The following TRARG1 variants were observed in gnomAD, a reference collection of about 807,000 sequenced individuals.
TRARG1 encodes trafficking regulator of GLUT4 1.
A neutral mutation model predicts 13.3 loss-of-function variants in TRARG1; 16 were observed. The ratio of observed to expected loss-of-function variants is 1.20; its 90% CI spans 0.81 to 1.83. TRARG1 has a LOEUF of 1.83. Among genes scored for constraint, TRARG1 ranks in the 40% most tolerant of loss-of-function variants. The pLI is 0.00. For synonymous variants in TRARG1, 113 were observed against 106.2 expected (o/e 1.06, Z -0.39); for missense variants, 250 against 237.4 (o/e 1.05, Z -0.35).
chr17:1,283,697 T>C (rs913618802), intron 1 of TRARG1, among the ~76,000 whole-genome samples: 7 of 151,920 alleles, frequency 4.6e-5, no homozygotes, highest in Non-Finnish European at 1.0e-4. Context: ...CAATCCCAGC[T>C]ACTCGGGAGG....
chr17:1,299,409 G>A lies in TRARG1; in HGVS notation c.*1145G>A, dbSNP rs2072138618. ...GTTGTTTGACCGTCCTGAGACCGAG[G>A]GAAGGGCTCAGCTGAAGGACCCCGT... On this transcript the variant is annotated 3_prime_UTR_variant, in exon 3 of 3. Transcript: ENST00000333813. The A allele has an allele frequency of 6.6e-6, 1 of 152,282 alleles. No individual in the cohort carries two copies. Among genetic ancestry groups the A allele is most frequent in the South Asian group, 2.1e-4 (1 of 4,830 alleles). 9.4% of individuals were successfully genotyped at this position (152,282 alleles called of 1,614,324 possible). A position where few individuals can be genotyped will look rare whatever the true frequency, so the allele number is the denominator to read the frequency against.
chr17:1,294,581 A>C (rs9907906), intron 1 of TRARG1, among the ~76,000 whole-genome samples: 2 of 148,900 alleles, frequency 1.3e-5, no homozygotes, highest in African/African-American at 5.0e-5. Flanking sequence ...ATTCTCCTGC[A>C]TCAGCCTCCT....
intron 2 of TRARG1, 117 bp from the exon 3 acceptor site, chr17:1,298,134 C>G: frequency 7.9e-7 from 1 of 1,265,508 alleles, no homozygotes; most frequent in South Asian, 1.3e-5. Context: ...TAGCCTTCTC[C>G]CCTTATCCCT....
intron 1 of TRARG1, among the ~76,000 whole-genome samples, chr17:1,294,296 A>C (rs748391842): frequency 9.9e-5 from 15 of 152,018 alleles, no homozygotes; most frequent in African/African-American, 1.9e-4. Flanking sequence ...AACAGAGCTC[A>C]CCGAGGAGTG....
In TRARG1 at chr17:1,283,340, G is replaced by A. The variant is rs560082943; in HGVS notation, c.387+2952G>A. Among the ~76,000 whole-genome samples, 12 of 152,268 alleles carry A rather than the reference G, an allele frequency of 7.9e-5. No individual in the cohort carries two copies. In the East Asian group the frequency reaches 1.2e-3, roughly 15 times the overall value. ...GGGGCTCTTACAGGATAATGGGTAC[G>A]TAAGTGGCAGCGGGGAGCCTCCCGG... On this transcript the variant is annotated intron_variant, in intron 1 of 2. Coordinates refer to ENST00000333813, the MANE Select transcript of TRARG1 (RefSeq NM_172367.3).
rs182040991 is a variant in TRARG1 at position 1,298,639 on chromosome 17, G to A, written c.*375G>A. ...CCCCACAAACGAGACACACGCTGGC[G>A]GGGAGAGACGCAGCAGAGCTCCTTC... On this transcript the variant is annotated 3_prime_UTR_variant, in exon 3 of 3. Transcript: ENST00000333813. The A allele has an allele frequency of 7.4e-4, 190 of 257,190 alleles. 6 individuals are homozygous for A. In the East Asian group the frequency reaches 0.013, roughly 18 times the overall value. 15.9% of individuals were successfully genotyped at this position (257,190 alleles called of 1,614,324 possible).
intron 1 of TRARG1, among the ~76,000 whole-genome samples, chr17:1,281,521 C>G (rs896653280): frequency 3.9e-5 from 6 of 152,176 alleles, no homozygotes; most frequent in African/African-American, 1.4e-4. Context: ...CCCCATCCCA[C>G]CAAAGCCAGT....
intron 1 of TRARG1, among the ~76,000 whole-genome samples, chr17:1,282,265 C>CGTATATGTACATATGCGT (rs2071986032): frequency 3.7e-5 from 2 of 54,020 alleles, no homozygotes; most frequent in Admixed American, 3.9e-4. Context: ...CGTATATGTA[C>CGTATATGTACATATGCGT]ATATATGCAC....
At chr17:1,282,075 T>TACACATATAC (rs1305006950) in intron 1 of TRARG1, among the ~76,000 whole-genome samples, 1 of 140,502 alleles carries the variant, frequency 7.1e-6, no homozygotes, top group Non-Finnish European at 1.5e-5. Context: ...TACACATATA[T>TACACATATAC]ACATATATGT....
At chr17:1,284,348 G>A (rs1339630416) in intron 1 of TRARG1, among the ~76,000 whole-genome samples, 1 of 152,226 alleles carries the variant, frequency 6.6e-6, no homozygotes, top group African/African-American at 2.4e-5. Flanking sequence ...CCCTGCCGCA[G>A]TGCCGTAGCA....
At chr17:1,293,872 T>C (rs137968468) in intron 1 of TRARG1, among the ~76,000 whole-genome samples, 1 of 152,170 alleles carries the variant, frequency 6.6e-6, no homozygotes, top group African/African-American at 2.4e-5. Context: ...GGCACAGCTC[T>C]GACACTCAGT....
At chr17:1,294,213 A>G (rs2072094383) in intron 1 of TRARG1, among the ~76,000 whole-genome samples, 1 of 151,996 alleles carries the variant, frequency 6.6e-6, no homozygotes, top group Admixed American at 6.6e-5. Context: ...CTACCAAGTC[A>G]TCCCGGGACC....
At position 1,282,293 on chromosome 17, in the gene TRARG1, T is replaced by C. The variant is rs142685745; in HGVS notation, c.387+1905T>C. On this transcript the variant is annotated intron_variant, in intron 1 of 2. Transcript: ENST00000333813. Reference sequence around the variant, plus strand: ...ATATGCACGTATATGTACATATATGTACGTATATGTACATATGCGTATATA... The same window carrying C: ...ATATGCACGTATATGTACATATATGCACGTATATGTACATATGCGTATATA... Among the ~76,000 whole-genome samples, 529 of 147,076 alleles carry C rather than the reference T, an allele frequency of 3.6e-3. 7 individuals carry two copies. The highest frequency in any genetic ancestry group is 0.014 in the Admixed American group (205 of 14,912).
In TRARG1 at chr17:1,297,895, G is replaced by A. The variant is rs114584313; in HGVS notation, c.521-356G>A. Among the ~76,000 whole-genome samples the A allele has an allele frequency of 7.6e-3, 1,162 of 152,268 alleles. 18 individuals carry two copies. The highest frequency in any genetic ancestry group is 0.026 in the African/African-American group (1,082 of 41,550). Reference sequence around the variant, plus strand: ...GCTGGGATGACAGGCGTGAGCTGCCGCAGCCGACCAGAGTGGTGCACATTT... The same window carrying A: ...GCTGGGATGACAGGCGTGAGCTGCCACAGCCGACCAGAGTGGTGCACATTT... On this transcript the variant is annotated intron_variant, in intron 2 of 2. Coordinates refer to ENST00000333813, the MANE Select transcript of TRARG1 (RefSeq NM_172367.3).
At chr17:1,292,461 C>G (rs1228908186) in intron 1 of TRARG1, among the ~76,000 whole-genome samples, 1 of 152,204 alleles carries the variant, frequency 6.6e-6, no homozygotes. Flanking sequence ...CCTTCTGGTG[C>G]TGCTCGAGCC....
In TRARG1 at chr17:1,300,449, T is replaced by TACACACACACAC. The variant is rs10625360; in HGVS notation, c.*2198_*2209dup. Reference sequence around the variant, plus strand: ...ACAAATAGGCTCTGCCGTGCACTCCTACACACACACACACACACACACACG... The same window carrying TACACACACACAC: ...ACAAATAGGCTCTGCCGTGCACTCCTACACACACACACACACACACACACACACACACACACG... On this transcript the variant is annotated 3_prime_UTR_variant, in exon 3 of 3. Transcript: ENST00000333813. 11 of 149,576 alleles carry TACACACACACAC rather than the reference T, an allele frequency of 7.4e-5. No individual in the cohort carries two copies. Among genetic ancestry groups the TACACACACACAC allele is most frequent in the African/African-American group, 2.7e-4 (11 of 40,856 alleles). The allele number at this position is 149,576 out of a possible 1,614,324, so 9.3% of individuals were successfully genotyped here.
At chr17:1,296,087 C>A (rs778276750) in intron 2 of TRARG1, among the ~76,000 whole-genome samples, 66 of 152,240 alleles carry the variant, frequency 4.3e-4, no homozygotes, top group Non-Finnish European at 4.9e-4. Context: ...ACCCCAGAAG[C>A]AAGCAGTGCA....
chr17:1,298,553 A>T lies in TRARG1; in HGVS notation c.*289A>T, dbSNP rs1322250832. The T allele has an allele frequency of 5.0e-6, 2 of 397,564 alleles. No individual in the cohort carries two copies. The highest frequency in any genetic ancestry group is 4.1e-5 in the African/African-American group (2 of 49,056). 24.6% of individuals were successfully genotyped at this position (397,564 alleles called of 1,614,324 possible). ...GCAGTCTGGCTTGTTTCTCATTCCC[A>T]CAATTTCCTGGGTTCCACCAAGCAG... On this transcript the variant is annotated 3_prime_UTR_variant, in exon 3 of 3. Coordinates refer to ENST00000333813, the MANE Select transcript of TRARG1 (RefSeq NM_172367.3).
chr17:1,284,529 ACAGGGC>A (rs1360313440), intron 1 of TRARG1, among the ~76,000 whole-genome samples: 1 of 152,174 alleles, frequency 6.6e-6, no homozygotes, highest in Non-Finnish European at 1.5e-5. Context: ...AGGGCCAGGG[ACAGGGC>A]CAGAGGTGGC....
Sources: gnomAD v4.1 joint callset for allele counts (sites outside exome capture counted in the v4.1 genomes callset) on GRCh38, gnomAD v4.1.1 for gene constraint, MANE v1.5 for transcripts, NCBI Gene and HGNC (gene_info 2026-07-23, HGNC 2026-07-21) for gene names.